ENTHD1: variants seen among roughly 807,000 people sequenced by gnomAD.
ENTHD1 encodes the protein ENTH domain-containing protein 1.
ENTHD1 carries 23 observed loss-of-function variants against 39.1 expected under a neutral mutation model. The observed-to-expected ratio is 0.59, with a 90% CI of 0.42 to 0.83. The LOEUF (loss-of-function observed/expected upper bound fraction) is 0.83. Ranked by LOEUF, ENTHD1 falls within the 40% of genes least tolerant of loss-of-function variation. The pLI is 0.00. For missense variants in ENTHD1, 624 were observed against 705.4 expected, an observed-to-expected ratio of 0.88 and a Z score of 1.31; for synonymous variants, 230 against 258.2, an observed-to-expected ratio of 0.89 and a Z score of 1.05.
chr22:39,787,261 C>G (rs2065466644), intron 5 of ENTHD1, among the ~76,000 whole-genome samples: 1 of 152,148 alleles, frequency 6.6e-6, no homozygotes, highest in Non-Finnish European at 1.5e-5. Context: ...CATCCCTCAT[C>G]TCTCTCTCCC....
intron 1 of ENTHD1, among the ~76,000 whole-genome samples, chr22:39,893,054 A>C (rs2066440492): frequency 1.3e-5 from 2 of 152,130 alleles, no homozygotes; most frequent in South Asian, 4.1e-4. Context: ...CCCTGGAGTA[A>C]ACAGCTACTC....
intron 5 of ENTHD1, among the ~76,000 whole-genome samples, chr22:39,800,842 G>C (rs898240138): frequency 6.6e-6 from 1 of 152,226 alleles, no homozygotes; most frequent in African/African-American, 2.4e-5. Flanking sequence ...AATGGCATGA[G>C]AACCTTGAGG....
chr22:39,880,066 A>G (rs1601666032), intron 2 of ENTHD1, among the ~76,000 whole-genome samples: 1 of 152,214 alleles, frequency 6.6e-6, no homozygotes, highest in African/African-American at 2.4e-5. Flanking sequence ...TGTCTCCACA[A>G]AAAATTTTAA....
intron 5 of ENTHD1, among the ~76,000 whole-genome samples, chr22:39,780,629 G>T (rs2065401595): frequency 6.6e-6 from 1 of 152,144 alleles, no homozygotes. Context: ...GACAAAGACA[G>T]TCACTATATA....
intron 3 of ENTHD1, among the ~76,000 whole-genome samples, chr22:39,861,512 C>CACTACA: frequency 6.6e-6 from 1 of 151,888 alleles, no homozygotes; most frequent in Admixed American, 6.6e-5. Flanking sequence ...TACACTCCAG[C>CACTACA]CTAGGAGACA....
At chr22:39,777,480 CA>C (rs2146579187) in intron 5 of ENTHD1, among the ~76,000 whole-genome samples, 1 of 152,058 alleles carries the variant, frequency 6.6e-6, no homozygotes, top group East Asian at 1.9e-4. Context: ...ATATTATACT[CA>C]AGTATTAAAA....
intron 4 of ENTHD1, among the ~76,000 whole-genome samples, chr22:39,834,328 A>T (rs543411325): frequency 6.6e-6 from 1 of 152,226 alleles, no homozygotes; most frequent in Non-Finnish European, 1.5e-5. Flanking sequence ...AAAAGATGTG[A>T]ACATATGAAT....
chr22:39,817,836 A>C (rs1321040469), intron 5 of ENTHD1, among the ~76,000 whole-genome samples: 1 of 152,186 alleles, frequency 6.6e-6, no homozygotes, highest in Non-Finnish European at 1.5e-5. Context: ...TTTTCATTGG[A>C]CCTGGCTATT....
intron 5 of ENTHD1, 140 bp downstream of exon 5, chr22:39,820,853 G>C (rs993196353): frequency 1.3e-6 from 1 of 788,354 alleles, no homozygotes; most frequent in African/African-American, 1.7e-5. Context: ...GGTAAAACAA[G>C]ATTATAGGAC....
intron 4 of ENTHD1, among the ~76,000 whole-genome samples, chr22:39,825,620 T>C (rs1022855171): frequency 1.3e-5 from 2 of 152,278 alleles, no homozygotes; most frequent in East Asian, 3.9e-4. Flanking sequence ...TTTAAAATGA[T>C]TGTAGAACTA....
chr22:39,823,484 A>G (rs1171135793), intron 4 of ENTHD1, among the ~76,000 whole-genome samples: 3 of 152,024 alleles, frequency 2.0e-5, no homozygotes, highest in Admixed American at 6.6e-5. Flanking sequence ...AGCTGGGACT[A>G]CAGGTACGCA....
chr22:39,791,504 C>T (rs999001423), intron 5 of ENTHD1, among the ~76,000 whole-genome samples: 1 of 151,940 alleles, frequency 6.6e-6, no homozygotes, highest in Non-Finnish European at 1.5e-5. Flanking sequence ...AAGCAATTCT[C>T]ATGCCTCAGC....
At chr22:39,863,167 A>T (rs948684946) in intron 2 of ENTHD1, among the ~76,000 whole-genome samples, 4 of 152,214 alleles carry the variant, frequency 2.6e-5, no homozygotes, top group African/African-American at 9.7e-5. Flanking sequence ...ACTCTGTTAT[A>T]GCAGCACAAG....
At chr22:39,829,414 T>C (rs2065850124) in intron 4 of ENTHD1, among the ~76,000 whole-genome samples, 1 of 152,024 alleles carries the variant, frequency 6.6e-6, no homozygotes. Context: ...TTTCTTTCAT[T>C]CCAAAGCACA....
intron 5 of ENTHD1, among the ~76,000 whole-genome samples, chr22:39,809,887 T>C (rs2065672284): frequency 6.6e-6 from 1 of 152,214 alleles, no homozygotes; most frequent in African/African-American, 2.4e-5. Flanking sequence ...GATGCCGTGG[T>C]ATCCATTTTC....
intron 4 of ENTHD1, 96 bp downstream of exon 4, chr22:39,835,743 CA>C (rs1163451829): frequency 5.1e-5 from 40 of 787,258 alleles, no homozygotes; most frequent in Non-Finnish European, 6.6e-5. Context: ...AGCCCTGGGT[CA>C]GGCTTCTAAC....
intron 2 of ENTHD1, among the ~76,000 whole-genome samples, chr22:39,877,557 C>A (rs2066301688): frequency 6.6e-6 from 1 of 152,174 alleles, no homozygotes; most frequent in African/African-American, 2.4e-5. Flanking sequence ...GTCGGGAAGC[C>A]TGAACTATAA....
At chr22:39,815,638 C>G (rs180728434) in intron 5 of ENTHD1, among the ~76,000 whole-genome samples, 6 of 152,046 alleles carry the variant, frequency 3.9e-5, no homozygotes, top group Non-Finnish European at 5.9e-5. Flanking sequence ...AATATATGCC[C>G]TAGAGAAACT....
At chr22:39,751,608 A>G (rs2065147925) in intron 6 of ENTHD1, among the ~76,000 whole-genome samples, 1 of 152,232 alleles carries the variant, frequency 6.6e-6, no homozygotes. Flanking sequence ...TCATAGGCTT[A>G]AAAGCCTTTG....
Sources: allele counts gnomAD v4.1 joint callset (sites outside exome capture counted in the v4.1 genomes callset), GRCh38; gene constraint gnomAD v4.1.1; transcripts MANE v1.5; gene names NCBI Gene and HGNC (gene_info 2026-07-23, HGNC 2026-07-21).